The following CHRDL2 variants were observed in gnomAD, a reference collection of about 807,000 sequenced individuals.
CHRDL2 encodes chordin like 2, also known as chordin-like protein 2.
In CHRDL2, 41 loss-of-function variants were observed where a neutral mutation model predicts 54.3. The observed-to-expected ratio is 0.76, with a 90% CI of 0.59 to 0.98. CHRDL2 has a LOEUF of 0.98. Ranked by LOEUF, CHRDL2 falls within the 50% of genes least tolerant of loss-of-function variation. The probability of loss-of-function intolerance (pLI) is 0.00; values close to 1 mark genes in which losing one functional copy is unlikely to be tolerated. For synonymous variants in CHRDL2, 220 were observed against 224.3 expected (o/e 0.98, Z 0.17); for missense variants, 518 against 562.4 (o/e 0.92, Z 0.80).
At chr11:74,725,272 G>A (rs1219861252) in intron 1 of CHRDL2, among the ~76,000 whole-genome samples, 1 of 151,914 alleles carries the variant, frequency 6.6e-6, no homozygotes, top group Admixed American at 6.6e-5. Flanking sequence ...ATTACAGGCG[G>A]GAGCCACCAC....
At chr11:74,724,912 A>G (rs942358394) in intron 1 of CHRDL2, among the ~76,000 whole-genome samples, 1 of 152,264 alleles carries the variant, frequency 6.6e-6, no homozygotes, top group African/African-American at 2.4e-5. Flanking sequence ...AACGAAATCA[A>G]TGATGAAAGA....
intron 1 of CHRDL2, among the ~76,000 whole-genome samples, chr11:74,726,575 CCTTTT>C (rs2034574309): frequency 6.6e-6 from 1 of 152,170 alleles, no homozygotes; most frequent in South Asian, 2.1e-4. Flanking sequence ...TCATGCCAGT[CCTTTT>C]CTTTGAGAAT....
chr11:74,703,243 G>A (rs1332738259), intron 8 of CHRDL2, 62 bp downstream of exon 8: 1 of 1,515,288 alleles, frequency 6.6e-7, no homozygotes, highest in Non-Finnish European at 8.9e-7. Context: ...TGTGGCCCTG[G>A]GGAGAGAGAC....
intron 6 of CHRDL2, among the ~76,000 whole-genome samples, chr11:74,705,782 G>A (rs1404270725): frequency 6.6e-6 from 1 of 152,210 alleles, no homozygotes; most frequent in Non-Finnish European, 1.5e-5. Context: ...CCTTGCCTGG[G>A]TGGGGAGGGC....
At chr11:74,717,092 T>TGAAA (rs1554987050) in intron 2 of CHRDL2, among the ~76,000 whole-genome samples, 1 of 149,358 alleles carries the variant, frequency 6.7e-6, no homozygotes, top group Admixed American at 6.6e-5. Context: ...AGACCCTGTC[T>TGAAA]CAAACAAACA....
At chr11:74,705,006 A>G (rs1303005099) in intron 6 of CHRDL2, among the ~76,000 whole-genome samples, 2 of 152,174 alleles carry the variant, frequency 1.3e-5, no homozygotes, top group Non-Finnish European at 2.9e-5. Context: ...TTTGGGAAAC[A>G]GAAGGTGAGC....
At chr11:74,712,815 C>T (rs1277782139) in intron 3 of CHRDL2, among the ~76,000 whole-genome samples, 1 of 152,202 alleles carries the variant, frequency 6.6e-6, no homozygotes. Context: ...CCTAGACCAC[C>T]TCTCCTTTCT....
chr11:74,718,812 A>G lies in CHRDL2; in HGVS notation c.103T>C (p.Phe35Leu), dbSNP rs779589345. Residue 35 changes from phenylalanine (F) to leucine (L), a missense_variant, in exon 2 of 11, where the codon TTC becomes CTC. Transcript: ENST00000376332. ...ARARPDMFCL[F>L]HGKRYSPGES... ...CCGGGGGAGTATCTCTTCCCATGGA[A>G]AAGGCAGAACATGTCTGGGCCTGGC... The G allele has an allele frequency of 6.2e-7, 1 of 1,612,438 alleles. No homozygotes were observed. The highest frequency in any genetic ancestry group is 1.1e-5 in the South Asian group (1 of 90,532).
chr11:74,697,884 A>C (rs2135224521), intron 9 of CHRDL2, among the ~76,000 whole-genome samples: 1 of 152,270 alleles, frequency 6.6e-6, no homozygotes, highest in South Asian at 2.1e-4. Flanking sequence ...AACATATGAT[A>C]AAAATCAATA....
rs941026936 is a variant in CHRDL2, at chr11:74,696,602, A to G, written c.1214-17T>C. On this transcript the variant is annotated splice_polypyrimidine_tract_variant and intron_variant, in intron 10 of 10. Transcript: ENST00000376332. ...TCCAGTGACCTGCATGGAGGAGGGCAGAAGAGGGAAGAGGCGTATGTGTCT... is the reference window on the plus strand; with the variant it reads ...TCCAGTGACCTGCATGGAGGAGGGCGGAAGAGGGAAGAGGCGTATGTGTCT... 11 of 1,588,228 alleles carry G rather than the reference A, an allele frequency of 6.9e-6. No homozygotes were observed. The highest frequency in any genetic ancestry group is 6.7e-5 in the African/African-American group (5 of 74,320).
chr11:74,720,805 C>T (rs533921674), intron 1 of CHRDL2, among the ~76,000 whole-genome samples: 119 of 152,300 alleles, frequency 7.8e-4, no homozygotes, highest in African/African-American at 2.7e-3. Flanking sequence ...GCCTGACACA[C>T]GCCTCCAGGA....
At chr11:74,705,368 C>T (rs1460646465) in intron 6 of CHRDL2, among the ~76,000 whole-genome samples, 1 of 152,176 alleles carries the variant, frequency 6.6e-6, no homozygotes, top group Non-Finnish European at 1.5e-5. Context: ...AGCCTATTAC[C>T]TCCCTCGCTG....
At chr11:74,704,428 G>C in intron 7 of CHRDL2, 58 bp downstream of exon 7, 1 of 1,525,380 alleles carries the variant, frequency 6.6e-7, no homozygotes, top group Non-Finnish European at 8.9e-7. Flanking sequence ...GTGGGAGGTG[G>C]GAGCAGTCAG....
intron 1 of CHRDL2, among the ~76,000 whole-genome samples, chr11:74,727,174 G>T (rs2034585419): frequency 6.6e-6 from 1 of 152,158 alleles, no homozygotes; most frequent in African/African-American, 2.4e-5. Context: ...CACTTTACAG[G>T]GGAGAAAACT....
chr11:74,711,084 A>T (rs2034179977), intron 3 of CHRDL2, 93 bp from the exon 4 acceptor site: 1 of 1,391,362 alleles, frequency 7.2e-7, no homozygotes, highest in Non-Finnish European at 9.8e-7. Context: ...ATGATTTTGC[A>T]TTTGACCCCA....
Position 74,717,968 on chromosome 11 carries a change from G to A in CHRDL2, c.195+752C>T, listed in dbSNP as rs563204216. Among the ~76,000 whole-genome samples the A allele has an allele frequency of 1.1e-4, 16 of 152,280 alleles. No homozygotes were observed. The South Asian group carries it at 3.3e-3, about 32-fold the overall frequency. ...CTTACTTGTGAATTCTGGACCACAT[G>A]GGGGTCTCATTTATTCTACCCAGTT... On this transcript the variant is annotated intron_variant, in intron 2 of 10. Coordinates refer to ENST00000376332, the MANE Select transcript of CHRDL2 (RefSeq NM_001278473.3).
intron 3 of CHRDL2, among the ~76,000 whole-genome samples, chr11:74,712,469 G>A (rs1442504146): frequency 6.6e-6 from 1 of 152,170 alleles, no homozygotes; most frequent in Non-Finnish European, 1.5e-5. Context: ...CCCAGAGTCG[G>A]CATCAGACAT....
chr11:74,716,876 C>G (rs61389091), intron 2 of CHRDL2, among the ~76,000 whole-genome samples: 3 of 151,926 alleles, frequency 2.0e-5, no homozygotes, highest in Admixed American at 6.6e-5. Context: ...GTGGGTTTCT[C>G]GAGCTCAGGA....
At chr11:74,709,298 G>A (rs1212176350) in intron 4 of CHRDL2, among the ~76,000 whole-genome samples, 2 of 152,206 alleles carry the variant, frequency 1.3e-5, no homozygotes, top group East Asian at 3.8e-4. Flanking sequence ...CCCTTCAGGG[G>A]AGGCAGCAGG....
Sources: gnomAD v4.1 joint callset for allele counts (sites outside exome capture counted in the v4.1 genomes callset) on GRCh38, gnomAD v4.1.1 for gene constraint, MANE v1.5 for transcripts, NCBI Gene and HGNC (gene_info 2026-07-23, HGNC 2026-07-21) for gene names.